The following COMMD10 variants were observed in gnomAD, a reference collection of about 807,000 sequenced individuals.
COMMD10 encodes the protein COMM domain-containing protein 10.
COMMD10 carries 33 observed loss-of-function variants against 28.9 expected under a neutral mutation model. That is an observed-to-expected ratio of 1.14 (90% CI 0.87 to 1.53). COMMD10 has a LOEUF of 1.53. COMMD10 is among the 40% of genes most tolerant of loss of function. COMMD10 has a pLI of 0.00. For synonymous variants in COMMD10, 110 were observed against 81.7 expected, an observed-to-expected ratio of 1.35 and a Z score of -1.87; for missense variants, 310 against 233.4, an observed-to-expected ratio of 1.33 and a Z score of -2.14.
intron 5 of COMMD10, among the ~76,000 whole-genome samples, chr5:116,271,849 A>G (rs910103487): frequency 6.6e-6 from 1 of 151,840 alleles, no homozygotes; most frequent in African/African-American, 2.4e-5. Flanking sequence ...CACTTTTACA[A>G]AATCATTTAC....
At chr5:116,103,142 G>C (rs1280498096) in intron 4 of COMMD10, among the ~76,000 whole-genome samples, 1 of 152,122 alleles carries the variant, frequency 6.6e-6, no homozygotes, top group East Asian at 1.9e-4. Flanking sequence ...ATGTGCATGT[G>C]TCTTTATAGT....
intron 4 of COMMD10, 142 bp downstream of exon 4, chr5:116,092,842 G>C: frequency 2.0e-6 from 1 of 510,234 alleles, no homozygotes; most frequent in Non-Finnish European, 3.3e-6. Context: ...ACTTACAATG[G>C]CCTTACATCC....
rs868328906 is a variant in COMMD10, at chr5:116,224,565, G to C, written c.511-66952G>C. 2.0e-4 allele frequency among the ~76,000 whole-genome samples: 31 copies of C among 152,234 alleles called. 1 individual carries two copies. In the Middle Eastern group the frequency reaches 0.01, roughly 50 times the overall value. Reference sequence around the variant, plus strand: ...TGAGAGGAGGGAACAAGGGTCCGGGGCCGCGGTGCCGCACTCTTTTAAACA... The same window carrying C: ...TGAGAGGAGGGAACAAGGGTCCGGGCCCGCGGTGCCGCACTCTTTTAAACA... On this transcript the variant is annotated intron_variant, in intron 5 of 6. Transcript: ENST00000274458.
At chr5:116,286,869 C>T (rs1271672175) in intron 5 of COMMD10, among the ~76,000 whole-genome samples, 1 of 151,708 alleles carries the variant, frequency 6.6e-6, no homozygotes, top group Non-Finnish European at 1.5e-5. Flanking sequence ...TCTGTTAGGT[C>T]TAATTGGTCT....
At chr5:116,202,812 A>T (rs1748704732) in intron 5 of COMMD10, among the ~76,000 whole-genome samples, 1 of 151,672 alleles carries the variant, frequency 6.6e-6, no homozygotes, top group African/African-American at 2.4e-5. Context: ...GTAGGTTGCG[A>T]AAATTTTCTC....
chr5:116,174,810 C>G (rs565821102), intron 5 of COMMD10, among the ~76,000 whole-genome samples: 9 of 152,298 alleles, frequency 5.9e-5, no homozygotes, highest in African/African-American at 1.7e-4. Context: ...AATTTTTAAT[C>G]AAAGCTAACA....
intron 5 of COMMD10, among the ~76,000 whole-genome samples, chr5:116,245,274 T>TA (rs1378796503): frequency 6.6e-6 from 1 of 151,952 alleles, no homozygotes; most frequent in East Asian, 1.9e-4. Flanking sequence ...TCAACACAGC[T>TA]ACCCTCCCAA....
chr5:116,189,730 A>C (rs1204116731), intron 5 of COMMD10, among the ~76,000 whole-genome samples: 1 of 130,590 alleles, frequency 7.7e-6, no homozygotes, highest in African/African-American at 4.0e-5. Flanking sequence ...GAAAGAGGAA[A>C]TAAGTTTATT....
intron 4 of COMMD10, among the ~76,000 whole-genome samples, chr5:116,093,423 T>C (rs1750364023): frequency 6.6e-6 from 1 of 152,198 alleles, no homozygotes; most frequent in African/African-American, 2.4e-5. Flanking sequence ...GAGAGGCTCC[T>C]CAGTGTGGAG....
chr5:116,267,726 G>C (rs1037274153), intron 5 of COMMD10, among the ~76,000 whole-genome samples: 8 of 151,880 alleles, frequency 5.3e-5, no homozygotes, highest in Non-Finnish European at 7.4e-5. Flanking sequence ...AACCAAAACA[G>C]CATGGTACTG....
At chr5:116,219,900 T>C (rs1749201446) in intron 5 of COMMD10, among the ~76,000 whole-genome samples, 1 of 152,240 alleles carries the variant, frequency 6.6e-6, no homozygotes, top group Non-Finnish European at 1.5e-5. Context: ...TGGTATTTTT[T>C]TCAAACACTG....
At chr5:116,284,565 T>A (rs1431689046) in intron 5 of COMMD10, among the ~76,000 whole-genome samples, 1 of 151,810 alleles carries the variant, frequency 6.6e-6, no homozygotes, top group Non-Finnish European at 1.5e-5. Context: ...GTCCAAATAG[T>A]CAAATTCCAT....
chr5:116,158,022 C>G (rs1752779272), intron 5 of COMMD10, among the ~76,000 whole-genome samples: 1 of 150,900 alleles, frequency 6.6e-6, no homozygotes, highest in Non-Finnish European at 1.5e-5. Context: ...TCTGTGTTAC[C>G]TTTTGGGCTG....
At chr5:116,273,034 C>T (rs1414423000) in intron 5 of COMMD10, among the ~76,000 whole-genome samples, 1 of 151,830 alleles carries the variant, frequency 6.6e-6, no homozygotes, top group Non-Finnish European at 1.5e-5. Context: ...CTTTATAAAA[C>T]ATCAATGATT....
chr5:116,218,315 G>A, intron 5 of COMMD10: 1 of 697,074 alleles, frequency 1.4e-6, no homozygotes, highest in Middle Eastern at 2.5e-4. Flanking sequence ...AGTGATGGTG[G>A]TGGGACATAG....
At chr5:116,247,935 A>G (rs193188821) in intron 5 of COMMD10, among the ~76,000 whole-genome samples, 1 of 152,082 alleles carries the variant, frequency 6.6e-6, no homozygotes, top group Admixed American at 6.6e-5. Context: ...CTATGTAGCA[A>G]ATATGCACAT....
chr5:116,167,213 T>C (rs1461947876), intron 5 of COMMD10, among the ~76,000 whole-genome samples: 1 of 151,630 alleles, frequency 6.6e-6, no homozygotes, highest in East Asian at 2.0e-4. Flanking sequence ...TACACAAGTG[T>C]CAATAGCTGA....
intron 5 of COMMD10, among the ~76,000 whole-genome samples, chr5:116,176,241 A>C (rs187422461): frequency 6.6e-6 from 1 of 152,160 alleles, no homozygotes; most frequent in Non-Finnish European, 1.5e-5. Flanking sequence ...CCTCCTGAGT[A>C]GCTGAGATTA....
intron 5 of COMMD10, among the ~76,000 whole-genome samples, chr5:116,201,466 A>G (rs1188203452): frequency 1.3e-5 from 2 of 152,148 alleles, no homozygotes; most frequent in East Asian, 1.9e-4. Context: ...CACTGGCACT[A>G]GCTCCCATGG....
Sources: allele counts gnomAD v4.1 joint callset (sites outside exome capture counted in the v4.1 genomes callset), GRCh38; gene constraint gnomAD v4.1.1; transcripts MANE v1.5; gene names NCBI Gene and HGNC (gene_info 2026-07-23, HGNC 2026-07-21).